CNTN5: variants seen among roughly 807,000 people sequenced by gnomAD.
CNTN5 encodes contactin 5, also known as contactin-5.
Under a neutral mutation model 129.1 loss-of-function variants are expected in CNTN5, and 77 were observed. The observed-to-expected ratio is 0.60, with a 90% CI of 0.50 to 0.72. CNTN5 has a LOEUF of 0.72. Among genes scored for constraint, CNTN5 ranks in the 30% least tolerant of loss-of-function variants. CNTN5 has a pLI of 0.00. For missense variants in CNTN5, 1,478 were observed against 1,328.8 expected, an observed-to-expected ratio of 1.11 and a Z score of -1.75; for synonymous variants, 509 against 465.6, an observed-to-expected ratio of 1.09 and a Z score of -1.20.
intron 7 of CNTN5, among the ~76,000 whole-genome samples, chr11:99,928,680 AT>A (rs1400794162): frequency 7.2e-5 from 11 of 151,958 alleles, no homozygotes; most frequent in African/African-American, 2.7e-4. Flanking sequence ...CCACAAAACC[AT>A]TTTCTCATCC....
At chr11:99,455,702 G>A (rs1053477837) in intron 2 of CNTN5, among the ~76,000 whole-genome samples, 26 of 151,762 alleles carry the variant, frequency 1.7e-4, no homozygotes, top group African/African-American at 6.1e-4. Flanking sequence ...CAAAGCAGCC[G>A]CAGTAGGAAT....
At position 99,251,641 on chromosome 11, in the gene CNTN5, T is replaced by C. The variant is rs75224810; in HGVS notation, c.-209-73705T>C. Among the ~76,000 whole-genome samples, 36 of 152,092 alleles carry C rather than the reference T, an allele frequency of 2.4e-4. 1 individual carries two copies. In the East Asian group the frequency reaches 6.8e-3, roughly 29 times the overall value. On this transcript the variant is annotated intron_variant, in intron 1 of 24. Coordinates refer to ENST00000524871, the MANE Select transcript of CNTN5 (RefSeq NM_014361.4). ...AATTGCTGATTTCTAGGGCTATAAC[T>C]ATAACAATTGTCAAGCAGAGAGAAT... is the stretch of plus-strand genomic sequence containing the variant.
At chr11:100,120,500 A>G (rs932398890) in intron 13 of CNTN5, among the ~76,000 whole-genome samples, 3 of 151,974 alleles carry the variant, frequency 2.0e-5, no homozygotes, top group African/African-American at 7.2e-5. Context: ...TTTATGATTC[A>G]ACAGAAGAAT....
rs1028094860 is a variant in CNTN5 at position 100,165,683 on chromosome 11, C to T, written c.1581-25443C>T. Among the ~76,000 whole-genome samples, 8 of 151,604 alleles carry T rather than the reference C, an allele frequency of 5.3e-5. No individual in the cohort carries two copies. The East Asian group carries it at 1.2e-3, about 22-fold the overall frequency. The stretch of plus-strand genomic sequence containing the variant: ...TAACCAAAATAATTACTACTGAGAG[C>T]GGGAGAGTGAATGAATAAGGTCTCA... On this transcript the variant is annotated intron_variant, in intron 13 of 24. Transcript: ENST00000524871.
chr11:99,496,128 T>C (rs920228197), intron 2 of CNTN5, among the ~76,000 whole-genome samples: 7 of 152,344 alleles, frequency 4.6e-5, no homozygotes, highest in African/African-American at 1.7e-4. Context: ...AGTCAGTGAT[T>C]CTTTATACAT....
At chr11:99,279,864 G>T (rs542472573) in intron 1 of CNTN5, among the ~76,000 whole-genome samples, 1 of 151,230 alleles carries the variant, frequency 6.6e-6, no homozygotes, top group African/African-American at 2.4e-5. Flanking sequence ...CAGGTGGCTC[G>T]GTGCTTTCAC....
At chr11:100,297,789 T>G in intron 19 of CNTN5, 94 bp downstream of exon 19, 1 of 937,054 alleles carries the variant, frequency 1.1e-6, no homozygotes. Flanking sequence ...TCCACTTGAT[T>G]CATTTAGAGG....
intron 13 of CNTN5, among the ~76,000 whole-genome samples, chr11:100,116,650 C>T (rs1282387695): frequency 6.6e-6 from 1 of 151,692 alleles, no homozygotes; most frequent in African/African-American, 2.4e-5. Context: ...TTGCCTATTA[C>T]AATTTTATTT....
Position 100,129,809 on chromosome 11 carries a change from C to T in CNTN5, c.1580+55515C>T, listed in dbSNP as rs146610534. ...GAAAGCTACAATTAGTATGTAAAAA[C>T]GAGAATCTCATATATATTTGTGTGT... On this transcript the variant is annotated intron_variant, in intron 13 of 24. Coordinates refer to ENST00000524871, the MANE Select transcript of CNTN5 (RefSeq NM_014361.4). Among the ~76,000 whole-genome samples the T allele has an allele frequency of 4.2e-3, 631 of 151,440 alleles. 2 individuals carry two copies. The highest frequency in any genetic ancestry group is 6.9e-3 in the Non-Finnish European group (465 of 67,860).
intron 9 of CNTN5, among the ~76,000 whole-genome samples, chr11:100,056,174 A>G (rs1157838376): frequency 1.3e-5 from 2 of 151,660 alleles, no homozygotes; most frequent in South Asian, 2.1e-4. Context: ...TTCCTTGATC[A>G]TTTTTAACCC....
Position 99,377,586 on chromosome 11 carries a change from G to A in CNTN5, c.-71+52102G>A, listed in dbSNP as rs187681670. Among the ~76,000 whole-genome samples, 397 of 152,052 alleles carry A rather than the reference G, an allele frequency of 2.6e-3. 2 individuals carry two copies. The highest frequency in any genetic ancestry group is 8.7e-3 in the African/African-American group (361 of 41,514). On this transcript the variant is annotated intron_variant, in intron 2 of 24. Transcript: ENST00000524871. ...ACTTATTAATTGGTTTCATCATTTAGACTTCCTTTAAAACAATCGCTGATA... is the reference window on the plus strand; with the variant it reads ...ACTTATTAATTGGTTTCATCATTTAAACTTCCTTTAAAACAATCGCTGATA...
intron 21 of CNTN5, among the ~76,000 whole-genome samples, chr11:100,321,255 A>G (rs1246826598): frequency 6.7e-6 from 1 of 149,528 alleles, no homozygotes; most frequent in Non-Finnish European, 1.5e-5. Flanking sequence ...TTTAATTTAG[A>G]AATCCTTCAC....
At position 100,286,028 on chromosome 11, in the gene CNTN5, T is replaced by G. The variant is rs534740231; in HGVS notation, c.2315-11597T>G. Among the ~76,000 whole-genome samples, 334 of 152,282 alleles carry G rather than the reference T, an allele frequency of 2.2e-3. 1 individual carries two copies. Among genetic ancestry groups the G allele is most frequent in the African/African-American group, 7.8e-3 (325 of 41,566 alleles). On this transcript the variant is annotated intron_variant, in intron 18 of 24. Transcript: ENST00000524871. ...CTGGAAAATCGGGTCACTCCCACCC[T>G]AATACTGCGCTTTTCCGATAGGCTT...
At chr11:99,157,780 C>G (rs1015059242) in intron 1 of CNTN5, among the ~76,000 whole-genome samples, 1 of 152,016 alleles carries the variant, frequency 6.6e-6, no homozygotes, top group Non-Finnish European at 1.5e-5. Context: ...ATTACCTGTT[C>G]TAAACATAGA....
At chr11:99,392,247 C>G (rs1186524812) in intron 2 of CNTN5, among the ~76,000 whole-genome samples, 4 of 151,436 alleles carry the variant, frequency 2.6e-5, no homozygotes, top group African/African-American at 9.7e-5. Flanking sequence ...AAAAACTCAA[C>G]TATAATAGTT....
chr11:100,350,002 G>A (rs2139036630), intron 23 of CNTN5, among the ~76,000 whole-genome samples: 1 of 151,854 alleles, frequency 6.6e-6, no homozygotes, highest in South Asian at 2.1e-4. Flanking sequence ...TTCCGTGCAT[G>A]TATGTTTAAT....
Position 99,318,777 on chromosome 11 carries a change from T to C in CNTN5, c.-209-6569T>C, listed in dbSNP as rs1476720144. Among the ~76,000 whole-genome samples the C allele has an allele frequency of 2.6e-5, 4 of 152,162 alleles. No homozygotes were observed. In the East Asian group the frequency reaches 7.7e-4, roughly 29 times the overall value. ...TGGGGAAGAAATTGTGTCAGTGGGATGTAGTTAATCTGGAATTATGGTGAT... is the reference window on the plus strand; with the variant it reads ...TGGGGAAGAAATTGTGTCAGTGGGACGTAGTTAATCTGGAATTATGGTGAT... On this transcript the variant is annotated intron_variant, in intron 1 of 24. Transcript: ENST00000524871.
intron 1 of CNTN5, among the ~76,000 whole-genome samples, chr11:99,096,768 A>G (rs973996139): frequency 6.6e-6 from 1 of 151,838 alleles, no homozygotes; most frequent in Admixed American, 6.6e-5. Flanking sequence ...CTAGTCTACT[A>G]AATACGTATG....
chr11:100,239,134 T>C (rs1195980322), intron 16 of CNTN5, among the ~76,000 whole-genome samples: 2 of 152,204 alleles, frequency 1.3e-5, no homozygotes, highest in Non-Finnish European at 2.9e-5. Context: ...AACATCTATT[T>C]ATATTATTAA....
Sources: gnomAD v4.1 joint callset for allele counts (sites outside exome capture counted in the v4.1 genomes callset) on GRCh38, gnomAD v4.1.1 for gene constraint, MANE v1.5 for transcripts, NCBI Gene and HGNC (gene_info 2026-07-23, HGNC 2026-07-21) for gene names.